Variants in ANKRD13A observed in about 807,000 individuals in gnomAD.
ANKRD13A encodes ankyrin repeat domain-containing protein 13A.
A neutral mutation model predicts 81.3 loss-of-function variants in ANKRD13A; 48 were observed. The ratio of observed to expected loss-of-function variants is 0.59; its 90% confidence interval spans 0.47 to 0.75. The LOEUF is 0.75. Ranked by LOEUF, ANKRD13A falls within the 30% of genes least tolerant of loss-of-function variation. ANKRD13A has a pLI of 0.00. For synonymous variants in ANKRD13A, 230 were observed against 270.1 expected (o/e 0.85, Z 1.45); for missense variants, 612 against 734.0 (o/e 0.83, Z 1.92).
chr12:110,037,668 A>G lies in ANKRD13A; in HGVS notation c.*114A>G. The G allele has an allele frequency of 9.4e-7, 1 of 1,064,804 alleles. No individual in the cohort carries two copies. Among genetic ancestry groups the G allele is most frequent in the Non-Finnish European group, 1.3e-6 (1 of 753,686 alleles). The allele number at this position is 1,064,804 out of a possible 1,614,324, so 66.0% of individuals were successfully genotyped here. ...GCACCTTGCGTGCATGCAGCAGGCA[A>G]CAACTGCCCCTTCTTTATGCAGAGG... is the stretch of plus-strand genomic sequence containing the variant. On this transcript the variant is annotated 3_prime_UTR_variant, in exon 15 of 15. Coordinates refer to ENST00000261739, the MANE Select transcript of ANKRD13A (RefSeq NM_033121.2).
At position 110,025,756 on chromosome 12, in the gene ANKRD13A, C is replaced by T. The variant is rs752194559; in HGVS notation, c.816C>T (p.Asn272=). The T allele has an allele frequency of 6.2e-6, 10 of 1,612,310 alleles. No individual in the cohort carries two copies. Among genetic ancestry groups the T allele is most frequent in the African/African-American group, 1.3e-5 (1 of 74,900 alleles). ...ACACCTCTCAGGTTTACACAGTAAACAATGTGAATGTGATCACCAAAATAC... is the reference window on the plus strand; with the variant it reads ...ACACCTCTCAGGTTTACACAGTAAATAATGTGAATGTGATCACCAAAATAC... ...NGYEAKVYTV[N]NVNVITKIRT... Residue 272 remains asparagine, a synonymous_variant, in exon 8 of 15, where the codon AAC becomes AAT. Coordinates refer to ENST00000261739, the MANE Select transcript of ANKRD13A (RefSeq NM_033121.2).
At chr12:110,028,104 C>G (rs1891451884) in intron 9 of ANKRD13A, 1 of 343,136 alleles carries the variant, frequency 2.9e-6, no homozygotes, top group Non-Finnish European at 5.4e-6. Flanking sequence ...TTACTTGATG[C>G]TCACAGTAAC....
intron 8 of ANKRD13A, among the ~76,000 whole-genome samples, chr12:110,026,025 G>A (rs1210131551): frequency 6.6e-6 from 1 of 150,452 alleles, no homozygotes. Flanking sequence ...GCAGTGGCAC[G>A]ACCTTGGCTC....
At chr12:110,023,964 G>GA (rs35432632) in intron 6 of ANKRD13A, 82 bp from the exon 7 acceptor site, 8 of 1,404,474 alleles carry the variant, frequency 5.7e-6, no homozygotes, top group South Asian at 5.0e-5. Flanking sequence ...AGCTGGGGGG[G>GA]AAAAAAACTA....
chr12:110,038,943 T>C lies in ANKRD13A; in HGVS notation c.*1389T>C, dbSNP rs1157938778. 1.3e-5 allele frequency: 2 copies of C among 152,220 alleles called. No homozygotes were observed. The highest frequency in any genetic ancestry group is 4.8e-5 in the African/African-American group (2 of 41,448). 9.4% of individuals were successfully genotyped at this position (152,220 alleles called of 1,614,324 possible). A position where few individuals can be genotyped will look rare whatever the true frequency, so the allele number is the denominator to read the frequency against. ...GTCTATTTCTTCTATTGTGCTTCTT[T>C]GGGGATAGGAAGAGAAACATAACTA... is the stretch of plus-strand genomic sequence containing the variant. On this transcript the variant is annotated 3_prime_UTR_variant, in exon 15 of 15. Transcript: ENST00000261739.
intron 9 of ANKRD13A, 48 bp downstream of exon 9, chr12:110,027,814 A>C: frequency 6.3e-7 from 1 of 1,592,406 alleles, no homozygotes; most frequent in Non-Finnish European, 8.6e-7. Flanking sequence ...AAAGGAAACA[A>C]CTTGTCTGTG....
chr12:110,036,452 A>G lies in ANKRD13A; in HGVS notation c.1577+124A>G. On this transcript the variant is annotated intron_variant, in intron 14 of 14. Transcript: ENST00000261739. The surrounding 1 kb of genome is among the most constrained non-coding windows in gnomAD (Gnocchi z 4.6). The stretch of plus-strand genomic sequence containing the variant: ...TGTACGGTGCCACAAACTGGCAGGA[A>G]AGACTAGAAAAAGTAGGCCAGGAGC... 1.9e-6 allele frequency: 2 copies of G among 1,068,834 alleles called. No homozygotes were observed. Among genetic ancestry groups the G allele is most frequent in the Non-Finnish European group, 2.9e-6 (2 of 694,440 alleles). The allele number at this position is 1,068,834 out of a possible 1,614,324, so 66.2% of individuals were successfully genotyped here.
Position 109,999,723 on chromosome 12 carries a change from C to T in ANKRD13A, c.35C>T (p.Pro12Leu), listed in dbSNP as rs1468029433. The T allele has an allele frequency of 9.8e-6, 15 of 1,537,746 alleles. No individual in the cohort carries two copies. Among genetic ancestry groups the T allele is most frequent in the African/African-American group, 1.4e-5 (1 of 71,996 alleles). Residue 12 changes from proline (P) to leucine (L), a missense_variant, in exon 1 of 15, where the codon CCC becomes CTC. By Grantham distance (98) the Pro-to-Leu change is moderately conservative. Coordinates refer to ENST00000261739, the MANE Select transcript of ANKRD13A (RefSeq NM_033121.2). The surrounding 1 kb of genome is among the most constrained non-coding windows in gnomAD (Gnocchi z 4.3). Reference protein sequence around the residue: ...SSACDAGDHYPLHLLVWKNDY... With the variant: ...SSACDAGDHYLLHLLVWKNDY... ...GCCTGCGACGCGGGCGACCACTACC[C>T]CCTGCACCTCCTAGTCTGGAAAAAC...
At chr12:110,027,851 A>T (rs1263699370) in intron 9 of ANKRD13A, 85 bp downstream of exon 9, 33 of 1,369,250 alleles carry the variant, frequency 2.4e-5, no homozygotes, top group Non-Finnish European at 3.4e-5. Context: ...CTGGATCCTG[A>T]ACAGCCCACT....
intron 12 of ANKRD13A, among the ~76,000 whole-genome samples, 192 bp downstream of exon 12, chr12:110,030,950 C>T (rs1324887549): frequency 1.3e-5 from 2 of 151,890 alleles, no homozygotes; most frequent in Non-Finnish European, 2.9e-5. Context: ...CAAAAATTAG[C>T]CGGGTGTGGT....
intron 13 of ANKRD13A, among the ~76,000 whole-genome samples, chr12:110,035,239 A>G (rs930085900): frequency 2.6e-5 from 4 of 152,208 alleles, no homozygotes; most frequent in Non-Finnish European, 5.9e-5. Flanking sequence ...CTTGTTGACC[A>G]TAAGTTTTAA....
intron 9 of ANKRD13A, 60 bp downstream of exon 9, chr12:110,027,826 C>G: frequency 6.4e-7 from 1 of 1,565,100 alleles, no homozygotes; most frequent in South Asian, 1.1e-5. Context: ...TTGTCTGTGT[C>G]TGGGATGGCA....
chr12:110,019,086 T>A (rs1214854609), intron 5 of ANKRD13A, 53 bp from the exon 6 acceptor site: 2 of 1,505,758 alleles, frequency 1.3e-6, no homozygotes, highest in Non-Finnish European at 1.8e-6. Flanking sequence ...AGCTTCCTTG[T>A]TTTTGCATCT....
At chr12:110,005,376 C>T (rs1890190105) in intron 1 of ANKRD13A, among the ~76,000 whole-genome samples, 1 of 152,172 alleles carries the variant, frequency 6.6e-6, no homozygotes, top group Non-Finnish European at 1.5e-5. Flanking sequence ...AGCAGTCCTC[C>T]TGCCTTGGCC....
Position 109,999,819 on chromosome 12 carries a change from G to T in ANKRD13A, c.96+35G>T. The T allele has an allele frequency of 6.7e-7, 1 of 1,494,824 alleles. No individual in the cohort carries two copies. Among genetic ancestry groups the T allele is most frequent in the Non-Finnish European group, 9.0e-7 (1 of 1,115,694 alleles). 92.6% of individuals were successfully genotyped at this position (1,494,824 alleles called of 1,614,324 possible). A position where few individuals can be genotyped will look rare whatever the true frequency, so the allele number is the denominator to read the frequency against. On this transcript the variant is annotated intron_variant, in intron 1 of 14. Coordinates refer to ENST00000261739, the MANE Select transcript of ANKRD13A (RefSeq NM_033121.2). This position sits in a 1 kb window ranked among gnomAD's most constrained non-coding sequence, Gnocchi z 4.3. ...GGGGCGGGGGTCCGTCTCCCGGTGG[G>T]GACTTCGGGGAATCGGGGGTCGTTT...
intron 1 of ANKRD13A, among the ~76,000 whole-genome samples, chr12:110,005,153 G>GT (rs1022926286): frequency 4.0e-5 from 6 of 151,056 alleles, no homozygotes; most frequent in African/African-American, 9.7e-5. Flanking sequence ...TTTCTTTTTT[G>GT]TTTTTTTGTT....
chr12:110,038,216 T>C lies in ANKRD13A; in HGVS notation c.*662T>C, dbSNP rs1892181971. ...TACACAAATGGCCATGGATGTTGCC[T>C]TAGCCTTAAACATTACTAATAGTTT... On this transcript the variant is annotated 3_prime_UTR_variant, in exon 15 of 15. Coordinates refer to ENST00000261739, the MANE Select transcript of ANKRD13A (RefSeq NM_033121.2). 6.5e-6 allele frequency: 1 copy of C among 152,686 alleles called. No homozygotes were observed. The highest frequency in any genetic ancestry group is 1.5e-5 in the Non-Finnish European group (1 of 68,050). The allele number at this position is 152,686 out of a possible 1,614,324, so 9.5% of individuals were successfully genotyped here.
At chr12:110,031,795 T>G (rs1891706735) in intron 12 of ANKRD13A, among the ~76,000 whole-genome samples, 1 of 152,236 alleles carries the variant, frequency 6.6e-6, no homozygotes. Context: ...CTTAATTTCA[T>G]TTCCAGTTAC....
intron 6 of ANKRD13A, among the ~76,000 whole-genome samples, chr12:110,022,719 C>A (rs1891142043): frequency 6.6e-6 from 1 of 152,136 alleles, no homozygotes; most frequent in African/African-American, 2.4e-5. Flanking sequence ...AAGGCTATCT[C>A]GATTTTCTGG....
Sources: gnomAD v4.1 joint callset for allele counts (sites outside exome capture counted in the v4.1 genomes callset) on GRCh38, gnomAD v4.1.1 for gene constraint, Gnocchi (gnomAD v3.1) non-coding constraint, MANE v1.5 for transcripts, NCBI Gene and HGNC (gene_info 2026-07-23, HGNC 2026-07-21) for gene names.